The following PHF21B variants were observed in gnomAD, a reference collection of about 807,000 sequenced individuals.
PHF21B encodes the protein PHD finger protein 4.
A neutral mutation model predicts 62.2 loss-of-function variants in PHF21B; 22 were observed. That is an observed-to-expected ratio of 0.35 (90% CI 0.25 to 0.51). The LOEUF (loss-of-function observed/expected upper bound fraction) is 0.51, where lower values mean the gene tolerates loss of function less well. Ranked by LOEUF, PHF21B falls within the 20% of genes least tolerant of loss-of-function variation. The pLI is 0.97. For synonymous variants in PHF21B, 341 were observed against 314.7 expected (o/e 1.08, Z -0.88); for missense variants, 701 against 707.9 (o/e 0.99, Z 0.11).
chr22:44,940,570 T>C (rs2071936272), intron 2 of PHF21B, among the ~76,000 whole-genome samples: 1 of 152,172 alleles, frequency 6.6e-6, no homozygotes, highest in East Asian at 1.9e-4. Context: ...GCTGCCTAAA[T>C]GGCCCCCAGA....
chr22:44,998,999 T>C lies in PHF21B; in HGVS notation c.120+9546A>G, dbSNP rs1045065684. Among the ~76,000 whole-genome samples, 3 of 152,106 alleles carry C rather than the reference T, an allele frequency of 2.0e-5. No individual in the cohort carries two copies. The East Asian group carries it at 5.8e-4, about 29-fold the overall frequency. On this transcript the variant is annotated intron_variant, in intron 2 of 12. Coordinates refer to ENST00000313237, the MANE Select transcript of PHF21B (RefSeq NM_138415.5). ...TGAGCAAAAAAATAAAAATCCCACA[T>C]GGATACCCTCCTTTCTGCCATCTTT... is the stretch of plus-strand genomic sequence containing the variant.
intron 5 of PHF21B, among the ~76,000 whole-genome samples, chr22:44,908,657 A>G (rs968008139): frequency 6.6e-6 from 1 of 152,114 alleles, no homozygotes; most frequent in Non-Finnish European, 1.5e-5. Context: ...CCACACCCCT[A>G]CTGGCTGACC....
chr22:44,884,365 ACG>A (rs2070808124), intron 12 of PHF21B, among the ~76,000 whole-genome samples: 10 of 50,964 alleles, frequency 2.0e-4, no homozygotes, highest in Non-Finnish European at 2.8e-4. Context: ...ACGATCACCA[ACG>A]TCACCACCAC....
chr22:44,999,879 C>T (rs1313564135), intron 2 of PHF21B, among the ~76,000 whole-genome samples: 4 of 152,038 alleles, frequency 2.6e-5, no homozygotes, highest in Non-Finnish European at 4.4e-5. Context: ...CACCAGGACG[C>T]GTCAGGACAC....
chr22:44,955,816 T>A (rs114031897), intron 2 of PHF21B, among the ~76,000 whole-genome samples: 1 of 152,254 alleles, frequency 6.6e-6, no homozygotes, highest in South Asian at 2.1e-4. Flanking sequence ...TGCATCCCCA[T>A]CTGTATCCCA....
At chr22:44,927,953 T>TGGGGC (rs1173886809) in intron 2 of PHF21B, among the ~76,000 whole-genome samples, 2 of 152,014 alleles carry the variant, frequency 1.3e-5, no homozygotes, top group African/African-American at 2.4e-5. Flanking sequence ...TGGCTGAGTC[T>TGGGGC]GGGGCGGGGC....
At chr22:44,961,019 C>T (rs546373979) in intron 2 of PHF21B, among the ~76,000 whole-genome samples, 2 of 139,366 alleles carry the variant, frequency 1.4e-5, no homozygotes, top group South Asian at 2.3e-4. Context: ...TGCAGTGGCG[C>T]GATCTCGGCT....
chr22:44,980,368 G>C (rs1027087525), intron 2 of PHF21B, among the ~76,000 whole-genome samples: 1 of 152,190 alleles, frequency 6.6e-6, no homozygotes, highest in African/African-American at 2.4e-5. Flanking sequence ...AACATGTAGC[G>C]ATGTGGACAC....
chr22:44,980,067 TCAAAAAAAAAA>T (rs2072811063), intron 2 of PHF21B, among the ~76,000 whole-genome samples: 1 of 23,950 alleles, frequency 4.2e-5, no homozygotes, highest in African/African-American at 1.9e-4. Flanking sequence ...AGACTTCGTC[TCAAAAAAAAAA>T]AAAAAAAAAA....
intron 2 of PHF21B, among the ~76,000 whole-genome samples, chr22:44,945,424 A>G (rs2072047728): frequency 6.6e-6 from 1 of 152,148 alleles, no homozygotes; most frequent in Non-Finnish European, 1.5e-5. Context: ...AGACCCTCCC[A>G]TCCTTGGGTG....
intron 4 of PHF21B, among the ~76,000 whole-genome samples, chr22:44,915,012 G>A (rs1362554681): frequency 6.6e-6 from 1 of 152,164 alleles, no homozygotes; most frequent in Non-Finnish European, 1.5e-5. Context: ...GAACTTGGGT[G>A]TTTTTTTGGT....
chr22:44,952,533 A>G (rs1185113696), intron 2 of PHF21B, among the ~76,000 whole-genome samples: 2 of 152,188 alleles, frequency 1.3e-5, no homozygotes, highest in South Asian at 4.1e-4. Flanking sequence ...TCAAGTTCCA[A>G]GTGGACTGAA....
chr22:44,952,718 A>C lies in PHF21B; in HGVS notation c.121-32228T>G, dbSNP rs549770867. ...TACAGTTGAAAAAGAGAAGAGTATA[A>C]GAGTCTGATTCCAAGATTCTATCAT... On this transcript the variant is annotated intron_variant, in intron 2 of 12. Coordinates refer to ENST00000313237, the MANE Select transcript of PHF21B (RefSeq NM_138415.5). Among the ~76,000 whole-genome samples the C allele has an allele frequency of 2.6e-5, 4 of 152,346 alleles. No homozygotes were observed. The South Asian group carries it at 8.3e-4, about 32-fold the overall frequency.
intron 2 of PHF21B, among the ~76,000 whole-genome samples, chr22:44,951,683 A>G (rs999279237): frequency 6.6e-6 from 1 of 152,264 alleles, no homozygotes; most frequent in Non-Finnish European, 1.5e-5. Flanking sequence ...TCTCCAGTGT[A>G]CTGCTGACTG....
intron 3 of PHF21B, among the ~76,000 whole-genome samples, chr22:44,917,634 G>T (rs981892707): frequency 6.6e-6 from 1 of 152,206 alleles, no homozygotes; most frequent in Non-Finnish European, 1.5e-5. Context: ...AGCAAACTGA[G>T]GTGCATAATG....
intron 2 of PHF21B, among the ~76,000 whole-genome samples, chr22:44,992,327 CG>C (rs1569279270): frequency 6.6e-6 from 1 of 152,218 alleles, no homozygotes; most frequent in African/African-American, 2.4e-5. Context: ...CTGACGGGGA[CG>C]GGGTGCTGTG....
At chr22:44,990,894 CGA>C (rs2073032614) in intron 2 of PHF21B, among the ~76,000 whole-genome samples, 3 of 152,232 alleles carry the variant, frequency 2.0e-5, no homozygotes, top group African/African-American at 7.2e-5. Flanking sequence ...GGAGTGTGAC[CGA>C]GGAAAAAAGG....
intron 2 of PHF21B, among the ~76,000 whole-genome samples, chr22:44,949,408 A>G (rs2072150139): frequency 6.6e-6 from 1 of 152,134 alleles, no homozygotes; most frequent in Non-Finnish European, 1.5e-5. Context: ...AATCTCTGCT[A>G]ATGTTTGAAA....
chr22:44,974,393 G>A (rs1481809761), intron 2 of PHF21B, among the ~76,000 whole-genome samples: 6 of 149,838 alleles, frequency 4.0e-5, no homozygotes, highest in South Asian at 2.1e-4. Flanking sequence ...CAGCCTGGGC[G>A]ACAGAGACCC....
Sources: gnomAD v4.1 joint callset for allele counts (sites outside exome capture counted in the v4.1 genomes callset) on GRCh38, gnomAD v4.1.1 for gene constraint, MANE v1.5 for transcripts, NCBI Gene and HGNC (gene_info 2026-07-23, HGNC 2026-07-21) for gene names.